The following HUWE1 variants were observed in gnomAD, a reference collection of about 807,000 sequenced individuals.
HUWE1 encodes the protein E3 ubiquitin-protein ligase HUWE1.
HUWE1 carries 18 observed loss-of-function variants against 299.4 expected under a neutral mutation model. That is an observed-to-expected ratio of 0.06 (90% confidence interval 0.04 to 0.09). The LOEUF (loss-of-function observed/expected upper bound fraction) is 0.09, where lower values mean the gene tolerates loss of function less well. Among genes scored for constraint, HUWE1 ranks in the 10% least tolerant of loss-of-function variants. The pLI, the probability that HUWE1 is intolerant of heterozygous loss-of-function variation, is 1.00. For missense variants in HUWE1, 1,832 were observed against 3,462.3 expected, an observed-to-expected ratio of 0.53 and a Z score of 11.82; for synonymous variants, 1,317 against 1,286.1, an observed-to-expected ratio of 1.02 and a Z score of -0.51.
rs1158561216 is a variant in HUWE1 at position 53,580,889 on chromosome X, T to C, written c.5658A>G (p.Thr1886=). ...TGCGGATACAGCAGTTGGCCACTTC[T>C]GTGAATATGTCTGGATTGCGGCATG... ...PAACRNPDIF[T]EVANCCIRIA... The change falls in exon 43 of 84, where the codon ACA becomes ACG. Residue 1886 remains threonine, a synonymous_variant. Coordinates refer to ENST00000262854, the MANE Select transcript of HUWE1 (RefSeq NM_031407.7). 1 of 1,210,015 alleles carries C rather than the reference T, an allele frequency of 8.3e-7. No individual in the cohort carries two copies. Among genetic ancestry groups the C allele is most frequent in the Non-Finnish European group, 1.1e-6 (1 of 895,271 alleles).
intron 60 of HUWE1, 70 bp from the exon 61 acceptor site, chrX:53,554,990 A>G: frequency 3.5e-6 from 3 of 859,348 alleles, no homozygotes; most frequent in Non-Finnish European, 4.9e-6. Flanking sequence ...CACCCCAATC[A>G]GCAAATGTGG....
At position 53,657,300 on chromosome X, in the gene HUWE1, G is replaced by A. The variant is rs1052291334; in HGVS notation, c.-24-3169C>T. ...TAATCACAAACAAAAAAGGCCAGGC[G>A]CAGTGGCTCATGCCTGTAATCCCAA... On this transcript the variant is annotated intron_variant, in intron 3 of 83. Coordinates refer to ENST00000262854, the MANE Select transcript of HUWE1 (RefSeq NM_031407.7). Among the ~76,000 whole-genome samples the A allele has an allele frequency of 8.9e-5, 10 of 112,148 alleles. No homozygotes were observed. The East Asian group carries it at 1.4e-3, about 16-fold the overall frequency.
intron 3 of HUWE1, among the ~76,000 whole-genome samples, chrX:53,664,034 T>A (rs1239840074): frequency 9.0e-6 from 1 of 111,119 alleles, no homozygotes; most frequent in Non-Finnish European, 1.9e-5. Flanking sequence ...GATCCATTTA[T>A]AATCAGATTT....
At chrX:53,579,560 G>A (rs1385608508) in intron 43 of HUWE1, among the ~76,000 whole-genome samples, 1 of 108,939 alleles carries the variant, frequency 9.2e-6, no homozygotes, top group African/African-American at 3.3e-5. Context: ...GGTCTGTGTG[G>A]ATGGAAGTAG....
At chrX:53,535,115 A>G (rs782621713) in intron 81 of HUWE1, among the ~76,000 whole-genome samples, 1 of 110,740 alleles carries the variant, frequency 9.0e-6, no homozygotes, top group African/African-American at 3.3e-5. Context: ...TTTTTATTTT[A>G]GTAGAGACGG....
At chrX:53,617,468 T>C (rs1042262137) in intron 19 of HUWE1, 22 bp from the exon 20 acceptor site, 2 of 977,704 alleles carry the variant, frequency 2.0e-6, no homozygotes, top group East Asian at 3.2e-5. Flanking sequence ...TGAGAAAATA[T>C]GGAAAACTGA....
chrX:53,645,613 T>C, intron 6 of HUWE1, 150 bp from the exon 7 acceptor site: 1 of 572,932 alleles, frequency 1.7e-6, no homozygotes, highest in East Asian at 4.0e-5. Context: ...CTCGGGAGGC[T>C]GAGGCAGGAG....
intron 15 of HUWE1, 121 bp from the exon 16 acceptor site, chrX:53,628,000 C>T: frequency 3.2e-6 from 2 of 624,562 alleles, no homozygotes; most frequent in Admixed American, 2.8e-5. Flanking sequence ...TGGGGGAAAA[C>T]ATGTGTTTTA....
chrX:53,577,063 T>C lies in HUWE1; in HGVS notation c.5721A>G (p.Ser1907=), dbSNP rs1296387926. Residue 1907 remains serine, a synonymous_variant, in exon 44 of 84, where the codon TCA becomes TCG. Transcript: ENST00000262854. The part of the protein sequence containing the change: ...LPAPRGSGTA[S]DDEFENLRIK... Reference sequence around the variant, plus strand: ...TTCTAAGATTCTCAAATTCATCATCTGAAGCTAAGCCAAAATGAGAGAGAA... The same window carrying C: ...TTCTAAGATTCTCAAATTCATCATCCGAAGCTAAGCCAAAATGAGAGAGAA... 1 of 1,203,023 alleles carries C rather than the reference T, an allele frequency of 8.3e-7. No homozygotes were observed. Among genetic ancestry groups the C allele is most frequent in the African/African-American group, 1.7e-5 (1 of 57,510 alleles).
chrX:53,604,791 T>C lies in HUWE1; in HGVS notation c.2540A>G (p.Gln847Arg), dbSNP rs1556995296. The C allele has an allele frequency of 8.3e-7, 1 of 1,209,295 alleles. No homozygotes were observed. Residue 847 changes from glutamine to arginine, a missense_variant, in exon 26 of 84, where the codon CAG becomes CGG. By Grantham distance (43) the Gln-to-Arg change is conservative. Transcript: ENST00000262854. ...EPKVLQEGLL[Q>R]LDSILSSLEP... ...CAGGGAGGAGAGGATGGAGTCCAAC[T>C]GAAGGAGACCCTCTTGAAGGACTTT...
chrX:53,625,511 C>CT lies in HUWE1; in HGVS notation c.1490-254dup, dbSNP rs1168812747. On this transcript the variant is annotated intron_variant, in intron 17 of 83. Transcript: ENST00000262854. ...AAAATTACAAAGTAAAAAGGTTCAA[C>CT]TTTTTTTTTACCTCACTCAGTTCCC... The CT allele has an allele frequency of 1.8e-3, 508 of 284,833 alleles. 1 individual carries two copies. Among genetic ancestry groups the CT allele is most frequent in the Middle Eastern group, 3.1e-3 (3 of 964 alleles). The allele number at this position is 284,833 out of a possible 1,213,427, so 23.5% of individuals were successfully genotyped here.
At chrX:53,594,280 C>T (rs1266398004) in intron 31 of HUWE1, among the ~76,000 whole-genome samples, 4 of 111,762 alleles carry the variant, frequency 3.6e-5, no homozygotes, top group African/African-American at 1.3e-4. Flanking sequence ...AAAGCAGAGA[C>T]CCTTACAAAC....
At chrX:53,562,992 C>T (rs1327337976) in intron 52 of HUWE1, 63 bp from the exon 53 acceptor site, 12 of 967,702 alleles carry the variant, frequency 1.2e-5, no homozygotes, top group South Asian at 1.2e-4. Flanking sequence ...AGACTGGGTG[C>T]GTCTAAAGTA....
chrX:53,591,982 C>CTGG (rs2064187726), intron 33 of HUWE1, among the ~76,000 whole-genome samples: 1 of 111,908 alleles, frequency 8.9e-6, no homozygotes, highest in Non-Finnish European at 1.9e-5. Context: ...TTCTGGCCTC[C>CTGG]CAATTTTTAA....
intron 7 of HUWE1, among the ~76,000 whole-genome samples, chrX:53,637,130 A>G (rs2067270998): frequency 8.9e-6 from 1 of 112,367 alleles, no homozygotes; most frequent in Non-Finnish European, 1.9e-5. Flanking sequence ...AGTTTTTACA[A>G]CACCATCTTA....
intron 28 of HUWE1, 82 bp downstream of exon 28, chrX:53,602,482 T>C (rs2064917760): frequency 3.3e-6 from 2 of 599,553 alleles, no homozygotes. Flanking sequence ...TAGAACTAAC[T>C]AAAAATTTTC....
intron 42 of HUWE1, 152 bp downstream of exon 42, chrX:53,583,406 C>A (rs782610644): frequency 1.3e-4 from 61 of 475,861 alleles, no homozygotes; most frequent in Non-Finnish European, 2.1e-4. Context: ...AGCTCCCAAG[C>A]ATAGAGTTGG....
chrX:53,539,320 TAAAAAAAAAAAAA>T (rs34154526), intron 75 of HUWE1, among the ~76,000 whole-genome samples: 1 of 52,845 alleles, frequency 1.9e-5, no homozygotes, highest in Non-Finnish European at 3.4e-5. Flanking sequence ...ATTTCTGATT[TAAAAAAAAAAAAA>T]AAAAAAAAAA....
At chrX:53,684,017 A>G (rs1320340965) in intron 2 of HUWE1, 6 of 290,944 alleles carry the variant, frequency 2.1e-5, no homozygotes, top group African/African-American at 1.6e-4. Context: ...CCTCCGCGCG[A>G]TCCCGCGAGA....
Sources: allele counts gnomAD v4.1 joint callset (sites outside exome capture counted in the v4.1 genomes callset), GRCh38; gene constraint gnomAD v4.1.1; transcripts MANE v1.5; gene names NCBI Gene and HGNC (gene_info 2026-07-23, HGNC 2026-07-21).